CRTC1: variants seen among roughly 807,000 people sequenced by gnomAD.
CRTC1 encodes CREB-regulated transcription coactivator 1.
In CRTC1, 18 loss-of-function variants were observed where a neutral mutation model predicts 66.1. The observed-to-expected ratio is 0.27, with a 90% CI of 0.19 to 0.40. CRTC1 has a LOEUF of 0.40. CRTC1 is among the 10% of genes least tolerant of loss of function. The pLI, the probability that CRTC1 is intolerant of heterozygous loss-of-function variation, is 1.00. For missense variants in CRTC1, 669 were observed against 887.9 expected (o/e 0.75, Z 3.13); for synonymous variants, 416 against 398.8 (o/e 1.04, Z -0.51).
chr19:18,695,049 T>C (rs2052951472), intron 1 of CRTC1, among the ~76,000 whole-genome samples: 1 of 152,002 alleles, frequency 6.6e-6, no homozygotes, highest in South Asian at 2.1e-4. Context: ...TTTTGTATTT[T>C]TAGTAGAGAT....
chr19:18,725,146 C>G (rs1020739386), intron 1 of CRTC1, among the ~76,000 whole-genome samples: 1 of 152,132 alleles, frequency 6.6e-6, no homozygotes, highest in Non-Finnish European at 1.5e-5. Context: ...GCACTCTAGG[C>G]CAGCGTCCCT....
chr19:18,687,090 A>C (rs1225660224), intron 1 of CRTC1, among the ~76,000 whole-genome samples: 2 of 138,840 alleles, frequency 1.4e-5, no homozygotes, highest in African/African-American at 2.8e-5. Context: ...ATCTCGGCTC[A>C]CTGCAACCTC....
rs2054776383 is a variant in CRTC1 at position 18,768,124 on chromosome 19, C to G, written c.1012-361C>G. 6.6e-6 allele frequency among the ~76,000 whole-genome samples: 1 copy of G among 152,216 alleles called. No homozygotes were observed. The highest frequency in any genetic ancestry group is 1.5e-5 in the Non-Finnish European group (1 of 68,034). On this transcript the variant is annotated intron_variant, in intron 9 of 13. Coordinates refer to ENST00000321949, the MANE Select transcript of CRTC1 (RefSeq NM_015321.3). This position sits in a 1 kb window ranked among gnomAD's most constrained non-coding sequence, Gnocchi z 5.6. ...GGCCAGTGGATCACTTGAGGTTTCC[C>G]CGCAGCACCCACAGGGGCTGGGAGC...
chr19:18,684,151 A>G (rs911355482), intron 1 of CRTC1, among the ~76,000 whole-genome samples: 15 of 151,850 alleles, frequency 9.9e-5, no homozygotes, highest in African/African-American at 3.1e-4. Flanking sequence ...GACAGGGGAC[A>G]GGTGTCCCTA....
chr19:18,723,824 G>A (rs1467414542), intron 1 of CRTC1, among the ~76,000 whole-genome samples: 4 of 152,174 alleles, frequency 2.6e-5, no homozygotes, highest in Admixed American at 6.5e-5. Context: ...CCCCTGCGTC[G>A]ACCCACCTTG....
At chr19:18,695,806 G>A (rs999450465) in intron 1 of CRTC1, among the ~76,000 whole-genome samples, 8 of 152,092 alleles carry the variant, frequency 5.3e-5, no homozygotes, top group Non-Finnish European at 8.8e-5. Flanking sequence ...CAGAGCTTGC[G>A]GTGAGCCGAG....
intron 13 of CRTC1, among the ~76,000 whole-genome samples, chr19:18,776,591 G>T (rs2054994048): frequency 1.3e-5 from 2 of 152,214 alleles, no homozygotes; most frequent in Admixed American, 6.5e-5. Context: ...AAATTCAAGG[G>T]TGGACGCGCC....
intron 1 of CRTC1, among the ~76,000 whole-genome samples, chr19:18,694,074 G>A (rs2052922873): frequency 6.6e-6 from 1 of 151,174 alleles, no homozygotes; most frequent in Admixed American, 6.6e-5. Flanking sequence ...GGAGGTTGCA[G>A]TGAGCTGAGA....
At chr19:18,748,708 AAAAAG>A (rs1019690092) in intron 4 of CRTC1, among the ~76,000 whole-genome samples, 64 of 150,980 alleles carry the variant, frequency 4.2e-4, no homozygotes, top group African/African-American at 1.5e-3. Flanking sequence ...TCAAAAAAAA[AAAAAG>A]AAAAACCATA....
At position 18,779,036 on chromosome 19, in the gene CRTC1, C is replaced by G. The variant is rs1385474170; in HGVS notation, c.*1654C>G. On this transcript the variant is annotated 3_prime_UTR_variant, in exon 14 of 14. Transcript: ENST00000321949. ...TCCTGGACCCTCCCCATACCACGGG[C>G]CCTGCAAGGGAGGCATCAGGGCTGG... 4.3e-6 allele frequency: 1 copy of G among 232,302 alleles called. No individual in the cohort carries two copies. Among genetic ancestry groups the G allele is most frequent in the African/African-American group, 2.2e-5 (1 of 45,292 alleles). 14.4% of individuals were successfully genotyped at this position (232,302 alleles called of 1,614,324 possible).
chr19:18,767,243 G>C (rs2054757048), intron 9 of CRTC1, among the ~76,000 whole-genome samples: 1 of 151,604 alleles, frequency 6.6e-6, no homozygotes, highest in African/African-American at 2.4e-5. Context: ...CTGTCGCCCA[G>C]GCTGGAGTGC....
chr19:18,686,576 A>G (rs573450003), intron 1 of CRTC1, among the ~76,000 whole-genome samples: 2 of 152,316 alleles, frequency 1.3e-5, no homozygotes, highest in East Asian at 3.9e-4. Flanking sequence ...GAACCTGGGA[A>G]GTGGAGGTTG....
At chr19:18,701,337 T>G (rs1330992742) in intron 1 of CRTC1, among the ~76,000 whole-genome samples, 1 of 151,870 alleles carries the variant, frequency 6.6e-6, no homozygotes, top group Non-Finnish European at 1.5e-5. Context: ...CCTTGAGGAG[T>G]CGTCACATGG....
chr19:18,772,793 G>A (rs2054899082), intron 11 of CRTC1, among the ~76,000 whole-genome samples: 2 of 152,290 alleles, frequency 1.3e-5, no homozygotes, highest in African/African-American at 4.8e-5. Flanking sequence ...CGCATGCTTG[G>A]TCTGCCCGCA....
Position 18,777,168 on chromosome 19 carries a change from C to G in CRTC1, c.1694-3C>G. The G allele has an allele frequency of 6.7e-7, 1 of 1,502,970 alleles. No homozygotes were observed. The highest frequency in any genetic ancestry group is 9.2e-7 in the Non-Finnish European group (1 of 1,084,300). The allele number at this position is 1,502,970 out of a possible 1,614,324, so 93.1% of individuals were successfully genotyped here. ...TGCCTTTTGTCCCCACCCCATCCCC[C>G]AGTGACAGGAGAGTCCCCCCCCAGC... On this transcript the variant is annotated splice_polypyrimidine_tract_variant and splice_region_variant and intron_variant, in intron 13 of 13. Coordinates refer to ENST00000321949, the MANE Select transcript of CRTC1 (RefSeq NM_015321.3). This position sits in a 1 kb window ranked among gnomAD's most constrained non-coding sequence, Gnocchi z 5.5.
chr19:18,751,650 A>T (rs1296539388), intron 5 of CRTC1, among the ~76,000 whole-genome samples: 1 of 151,366 alleles, frequency 6.6e-6, no homozygotes, highest in Non-Finnish European at 1.5e-5. Context: ...CGTCGCTCAG[A>T]CTCTCCCTCT....
Position 18,753,511 on chromosome 19 carries a change from A to G in CRTC1, c.550A>G (p.Thr184Ala). Residue 184 changes from threonine to alanine, a missense_variant, in exon 6 of 14, where the codon ACA becomes GCA. This residue lies in a region of CRTC1 where 214 missense variants were observed against 323.4 expected (regional missense o/e 0.66). Transcript: ENST00000321949. ...TCCCACCTCCCCAGTCTTACTGTTA[A>G]CAGTCCCAGGAATGGAAGAGACCAC... ...DVHQKRVLLLTVPGMEETTSE... is the reference protein window; with the variant it reads ...DVHQKRVLLLAVPGMEETTSE... 2.5e-6 allele frequency: 4 copies of G among 1,611,436 alleles called. No homozygotes were observed. Among genetic ancestry groups the G allele is most frequent in the African/African-American group, 1.3e-5 (1 of 74,834 alleles).
intron 1 of CRTC1, among the ~76,000 whole-genome samples, chr19:18,711,510 T>C (rs905664281): frequency 6.6e-6 from 1 of 151,840 alleles, no homozygotes; most frequent in South Asian, 2.1e-4. Context: ...AAAAAAAAAG[T>C]AAAAGTTGGC....
chr19:18,687,232 C>T (rs2052706188), intron 1 of CRTC1, among the ~76,000 whole-genome samples: 1 of 152,018 alleles, frequency 6.6e-6, no homozygotes, highest in Non-Finnish European at 1.5e-5. Flanking sequence ...CCATGTTGGC[C>T]AGACTGGTCT....
Sources: gnomAD v4.1 joint callset for allele counts (sites outside exome capture counted in the v4.1 genomes callset) on GRCh38, gnomAD v4.1.1 for gene constraint, gnomAD v4.1.1 regional missense constraint, Gnocchi (gnomAD v3.1) non-coding constraint, MANE v1.5 for transcripts, NCBI Gene and HGNC (gene_info 2026-07-23, HGNC 2026-07-21) for gene names.